Variants in SH2D4B observed in about 807,000 individuals in gnomAD.
SH2D4B encodes the protein SH2 domain containing 4B.
SH2D4B carries 45 observed loss-of-function variants against 61.5 expected under a neutral mutation model. The ratio of observed to expected loss-of-function variants is 0.73; its 90% CI spans 0.58 to 0.94. The LOEUF is 0.94. Among genes scored for constraint, SH2D4B ranks in the 40% least tolerant of loss-of-function variants. SH2D4B has a pLI of 0.00. For synonymous variants in SH2D4B, 224 were observed against 220.4 expected (o/e 1.02, Z -0.14); for missense variants, 572 against 574.2 (o/e 1.00, Z 0.04).
chr10:80,603,612 G>T lies in SH2D4B; in HGVS notation c.677G>T (p.Ser226Ile). 1 of 1,574,838 alleles carries T rather than the reference G, an allele frequency of 6.3e-7. No homozygotes were observed. The highest frequency in any genetic ancestry group is 8.6e-7 in the Non-Finnish European group (1 of 1,160,568). ...TCCAAGGCGGCTGATGAGGAGAGGA[G>T]CCGCCGAGCCCAGCGCGCCCGGGAC... ...RRSKAADEER[S>I]RRAQRARDEY... Residue 226 changes from serine to isoleucine, a missense_variant, in exon 5 of 8, where the codon AGC becomes ATC. Physicochemically the swap from Ser to Ile is moderately radical, Grantham distance 142. Transcript: ENST00000646907.
intron 1 of SH2D4B, among the ~76,000 whole-genome samples, chr10:80,544,897 C>G (rs1841649679): frequency 6.6e-6 from 1 of 152,182 alleles, no homozygotes. Flanking sequence ...GTGCATCCTT[C>G]TGCATGGAAT....
chr10:80,566,449 T>C (rs1841970242), intron 1 of SH2D4B, among the ~76,000 whole-genome samples: 1 of 151,824 alleles, frequency 6.6e-6, no homozygotes, highest in Non-Finnish European at 1.5e-5. Flanking sequence ...GCATGCACCA[T>C]CATGCCCAGC....
At chr10:80,640,375 A>C (rs979400416) in intron 7 of SH2D4B, among the ~76,000 whole-genome samples, 5 of 152,260 alleles carry the variant, frequency 3.3e-5, no homozygotes, top group African/African-American at 9.6e-5. Context: ...TAATATCCTG[A>C]AGAGTGTTTT....
At chr10:80,574,689 T>TATC (rs1554876864) in intron 3 of SH2D4B, among the ~76,000 whole-genome samples, 1 of 124,572 alleles carries the variant, frequency 8.0e-6, no homozygotes, top group Non-Finnish European at 1.6e-5. Flanking sequence ...GAGTTTTTAT[T>TATC]ATCAATTAAT....
chr10:80,616,224 A>G (rs1248903895), intron 6 of SH2D4B, among the ~76,000 whole-genome samples: 2 of 152,316 alleles, frequency 1.3e-5, no homozygotes, highest in East Asian at 3.9e-4. Context: ...TTAGCATGTC[A>G]CAATCCATCA....
At chr10:80,624,147 T>G (rs1842747359) in intron 6 of SH2D4B, among the ~76,000 whole-genome samples, 1 of 152,208 alleles carries the variant, frequency 6.6e-6, no homozygotes, top group South Asian at 2.1e-4. Context: ...TGGAACTTGG[T>G]GAGGCTGGGA....
At chr10:80,626,961 G>A (rs1842773193) in intron 6 of SH2D4B, among the ~76,000 whole-genome samples, 1 of 152,168 alleles carries the variant, frequency 6.6e-6, no homozygotes, top group African/African-American at 2.4e-5. Context: ...TTCTTTTCCT[G>A]ACATTCAGTG....
chr10:80,603,247 C>T (rs532625670), intron 4 of SH2D4B, among the ~76,000 whole-genome samples: 4 of 152,054 alleles, frequency 2.6e-5, no homozygotes, highest in Non-Finnish European at 5.9e-5. Context: ...AATTTCCACC[C>T]CAAGGTGGCT....
chr10:80,582,030 T>C (rs2132125426), intron 3 of SH2D4B, among the ~76,000 whole-genome samples: 1 of 152,354 alleles, frequency 6.6e-6, no homozygotes, highest in Middle Eastern at 3.4e-3. Context: ...AATTTTTTAA[T>C]GCTAAAAGTA....
chr10:80,540,872 G>A (rs1841568925), intron 1 of SH2D4B: 4 of 1,551,524 alleles, frequency 2.6e-6, no homozygotes, highest in South Asian at 1.2e-5. Flanking sequence ...GGGCTCCACG[G>A]AGGAATCTTC....
intron 5 of SH2D4B, among the ~76,000 whole-genome samples, chr10:80,604,796 T>TC (rs1842497328): frequency 1.3e-5 from 2 of 151,098 alleles, no homozygotes; most frequent in South Asian, 4.2e-4. Flanking sequence ...TCTTAGTTTT[T>TC]TTTTTTTCTT....
chr10:80,587,508 A>C (rs1182837008), intron 3 of SH2D4B, among the ~76,000 whole-genome samples: 3 of 151,270 alleles, frequency 2.0e-5, no homozygotes, highest in Non-Finnish European at 4.4e-5. Context: ...CAAACTTCTG[A>C]CCTCAGGTGA....
intron 1 of SH2D4B, among the ~76,000 whole-genome samples, chr10:80,565,788 T>C (rs1841958223): frequency 6.6e-6 from 1 of 151,636 alleles, no homozygotes; most frequent in Non-Finnish European, 1.5e-5. Flanking sequence ...AAGAAGAAGG[T>C]CGGGTAAAAG....
intron 3 of SH2D4B, among the ~76,000 whole-genome samples, chr10:80,577,953 G>C (rs924375900): frequency 6.7e-6 from 1 of 149,508 alleles, no homozygotes; most frequent in South Asian, 2.1e-4. Context: ...GTTAGAGATT[G>C]GCTTAGATAA....
chr10:80,571,343 A>T, intron 2 of SH2D4B, 88 bp from the exon 3 acceptor site: 2 of 1,460,634 alleles, frequency 1.4e-6, no homozygotes, highest in South Asian at 2.7e-5. Flanking sequence ...CCAAGGAAAA[A>T]TTGCTCATTG....
intron 6 of SH2D4B, among the ~76,000 whole-genome samples, chr10:80,610,765 C>T (rs1482681832): frequency 6.6e-6 from 1 of 152,190 alleles, no homozygotes; most frequent in Non-Finnish European, 1.5e-5. Flanking sequence ...CTTCTGAAGT[C>T]TCAGTGACCC....
chr10:80,611,155 A>G (rs1242658374), intron 6 of SH2D4B, among the ~76,000 whole-genome samples: 1 of 142,514 alleles, frequency 7.0e-6, no homozygotes, highest in Non-Finnish European at 1.5e-5. Flanking sequence ...AGCCTGGGCA[A>G]CCAGAGCGAG....
intron 7 of SH2D4B, among the ~76,000 whole-genome samples, chr10:80,641,823 A>C (rs1840315307): frequency 6.6e-6 from 1 of 152,196 alleles, no homozygotes; most frequent in Non-Finnish European, 1.5e-5. Context: ...TTCATTTCTA[A>C]CACTAAGGAG....
In SH2D4B at chr10:80,643,794, G is replaced by GT. The variant is rs569340380; in HGVS notation, c.1210-188dup. On this transcript the variant is annotated intron_variant, in intron 7 of 7. Coordinates refer to ENST00000646907, the MANE Select transcript of SH2D4B (RefSeq NM_001388272.1). ...TATGTTTCACTTTGTCGATGACAAA[G>GT]TTTTTTTTTTTCCAGTACTTTTTAT... Among the ~76,000 whole-genome samples the GT allele has an allele frequency of 5.9e-3, 873 of 147,654 alleles. 1 individual carries two copies. The highest frequency in any genetic ancestry group is 7.6e-3 in the Non-Finnish European group (503 of 66,372).
Sources: allele counts gnomAD v4.1 joint callset (sites outside exome capture counted in the v4.1 genomes callset), GRCh38; gene constraint gnomAD v4.1.1; transcripts MANE v1.5; gene names NCBI Gene and HGNC (gene_info 2026-07-23, HGNC 2026-07-21).